The following GATA4 variants were observed in gnomAD, a reference collection of about 807,000 sequenced individuals.
The protein encoded by GATA4 is transcription factor GATA-4.
Under a neutral mutation model 37.9 loss-of-function variants are expected in GATA4, and 7 were observed. That is an observed-to-expected ratio of 0.18 (90% CI 0.11 to 0.35). The LOEUF (loss-of-function observed/expected upper bound fraction) is 0.35. GATA4 is among the 10% of genes least tolerant of loss of function. GATA4 has a pLI of 1.00. For synonymous variants in GATA4, 372 were observed against 292.6 expected, an observed-to-expected ratio of 1.27 and a Z score of -2.77; for missense variants, 647 against 653.0, an observed-to-expected ratio of 0.99 and a Z score of 0.10.
intron 2 of GATA4, among the ~76,000 whole-genome samples, chr8:11,740,907 T>C (rs963204356): frequency 6.6e-6 from 1 of 152,122 alleles, no homozygotes; most frequent in East Asian, 1.9e-4. Context: ...CTACTTTTTA[T>C]ATTTTTAGTA....
chr8:11,731,946 C>G (rs1223566940), intron 2 of GATA4, among the ~76,000 whole-genome samples: 1 of 152,190 alleles, frequency 6.6e-6, no homozygotes, highest in Non-Finnish European at 1.5e-5. Context: ...TTCAGTGTTT[C>G]TCTTTGCCCA....
rs112495505 is a variant in GATA4 at position 11,732,104 on chromosome 8, A to G, written c.617-16812A>G. The stretch of plus-strand genomic sequence containing the variant: ...CAAATCTATCATATTTATAATCTGC[A>G]TTAAAATTTTAAGTCACATTCATAA... On this transcript the variant is annotated intron_variant, in intron 2 of 6. Transcript: ENST00000532059. 2.7e-3 allele frequency among the ~76,000 whole-genome samples: 409 copies of G among 152,386 alleles called. 1 individual carries two copies. Among genetic ancestry groups the G allele is most frequent in the African/African-American group, 9.1e-3 (379 of 41,600 alleles).
At chr8:11,699,858 A>C (rs1293397652), upstream of GATA4, among the ~76,000 whole-genome samples, 1 of 152,178 alleles carries the variant, frequency 6.6e-6, no homozygotes, top group Non-Finnish European at 1.5e-5. Context: ...CATTGATTTT[A>C]TTTTTTAAAT....
intron 4 of GATA4, 40 bp from the exon 5 acceptor site, chr8:11,755,006 A>C: frequency 1.3e-6 from 2 of 1,506,916 alleles, no homozygotes; most frequent in South Asian, 1.1e-5. Context: ...CAGACTACGC[A>C]GAAATGGAAA....
chr8:11,712,690 T>TA (rs3030047), intron 2 of GATA4, among the ~76,000 whole-genome samples: 1,859 of 92,920 alleles, frequency 0.02, 25 homozygotes, highest in East Asian at 0.028. Context: ...ACCACATCTC[T>TA]AAAAAAAAAA....
intron 2 of GATA4, among the ~76,000 whole-genome samples, chr8:11,712,702 A>C (rs1015975701): frequency 2.0e-5 from 3 of 151,178 alleles, no homozygotes; most frequent in Non-Finnish European, 4.4e-5. Flanking sequence ...AAAAAAAAAA[A>C]AAAAAAAAAT....
Position 11,697,530 on chromosome 8 carries a change from G to A in GATA4, c.-728-2978G>A, listed in dbSNP as rs62489316. On this transcript the variant is annotated intron_variant, in intron 1 of 2. Transcript: ENST00000526974. ...CTGCTGCAGTTGGGGAGGGAGAGGTGGTCGTGGAGGCCACTTTCCCCTCCA... is the reference window on the plus strand; with the variant it reads ...CTGCTGCAGTTGGGGAGGGAGAGGTAGTCGTGGAGGCCACTTTCCCCTCCA... The A allele has an allele frequency of 3.9e-3, 3,819 of 985,058 alleles. 11 individuals carry two copies. The highest frequency in any genetic ancestry group is 0.015 in the Middle Eastern group (29 of 1,914). 61.0% of individuals were successfully genotyped at this position (985,058 alleles called of 1,614,324 possible).
rs957304143 is a variant in GATA4 at position 11,707,346 on chromosome 8, C to A, written c.-457-510C>A. Among the ~76,000 whole-genome samples the A allele has an allele frequency of 1.1e-4, 17 of 150,196 alleles. No homozygotes were observed. The highest frequency in any genetic ancestry group is 4.2e-4 in the African/African-American group (17 of 40,726). ...TTTTTTTTTTTAATTACAAACAAAA[C>A]TTTGTTAGGTTGTTGTTTTGTGTAA... On this transcript the variant is annotated intron_variant, in intron 1 of 6. Coordinates refer to ENST00000532059, the MANE Select transcript of GATA4 (RefSeq NM_001308093.3). The surrounding 1 kb of genome is among the most constrained non-coding windows in gnomAD (Gnocchi z 4.7).
chr8:11,756,238 C>T (rs767457487), intron 5 of GATA4, among the ~76,000 whole-genome samples: 2 of 152,178 alleles, frequency 1.3e-5, no homozygotes, highest in Non-Finnish European at 2.9e-5. Context: ...CTACCAAGAA[C>T]ATGATCAAAG....
chr8:11,697,455 C>A (rs557525291), intron 1 of GATA4: 2 of 670,566 alleles, frequency 3.0e-6, no homozygotes, highest in Admixed American at 1.3e-4. Flanking sequence ...ATAGGAACCT[C>A]CCAGCTGGGG....
At chr8:11,756,002 AAATT>A (rs536283032) in intron 5 of GATA4, among the ~76,000 whole-genome samples, 16 of 150,860 alleles carry the variant, frequency 1.1e-4, no homozygotes, top group South Asian at 6.2e-4. Flanking sequence ...TATTAAATTT[AAATT>A]AGATTTATTT....
At chr8:11,680,406 C>G in intron 1 of GATA4, 2 of 900,070 alleles carry the variant, frequency 2.2e-6, no homozygotes, top group Non-Finnish European at 2.7e-6. Flanking sequence ...TTCCCGCCCT[C>G]GGCCCACGAG....
chr8:11,686,590 C>T (rs1048480919), intron 1 of GATA4, among the ~76,000 whole-genome samples: 3 of 152,230 alleles, frequency 2.0e-5, no homozygotes, highest in African/African-American at 7.2e-5. Flanking sequence ...CCATAGCCAT[C>T]TTCATGTAAT....
chr8:11,726,809 G>GTGCC (rs1239448929), intron 2 of GATA4, among the ~76,000 whole-genome samples: 2 of 152,138 alleles, frequency 1.3e-5, no homozygotes, highest in African/African-American at 4.8e-5. Flanking sequence ...GGCCCTGATG[G>GTGCC]TGCCCTCCTG....
At chr8:11,679,167 T>A (rs1798872156) in intron 1 of GATA4, among the ~76,000 whole-genome samples, 1 of 79,740 alleles carries the variant, frequency 1.3e-5, no homozygotes. Context: ...GAGGCAATTA[T>A]CCGAATAATT....
chr8:11,734,650 C>A lies in GATA4; in HGVS notation c.617-14266C>A, dbSNP rs546595710. The stretch of plus-strand genomic sequence containing the variant: ...TACAGGCATGCACCACCATGCTCGG[C>A]TAATTTTTGTATCTTTAGTAGAGAT... On this transcript the variant is annotated intron_variant, in intron 2 of 6. Coordinates refer to ENST00000532059, the MANE Select transcript of GATA4 (RefSeq NM_001308093.3). 2.6e-5 allele frequency among the ~76,000 whole-genome samples: 4 copies of A among 152,286 alleles called. No homozygotes were observed. The East Asian group carries it at 7.7e-4, about 29-fold the overall frequency.
chr8:11,708,707 A>G lies in GATA4; in HGVS notation c.395A>G (p.Tyr132Cys). 7.9e-7 allele frequency: 1 copy of G among 1,273,260 alleles called. No individual in the cohort carries two copies. The highest frequency in any genetic ancestry group is 9.8e-7 in the Non-Finnish European group (1 of 1,016,682). The allele number at this position is 1,273,260 out of a possible 1,614,324, so 78.9% of individuals were successfully genotyped here. A position where few individuals can be genotyped will look rare whatever the true frequency, so the allele number is the denominator to read the frequency against. ...GCCGCGGCCCGGGAAGCTGCGGCCTACAGCAGTGGCGGCGGAGCGGCGGGT... is the reference window on the plus strand; with the variant it reads ...GCCGCGGCCCGGGAAGCTGCGGCCTGCAGCAGTGGCGGCGGAGCGGCGGGT... ...AAAAAREAAA[Y>C]SSGGGAAGAG... Residue 132 changes from tyrosine to cysteine, a missense_variant, in exon 2 of 7, where the codon TAC (tyrosine) becomes TGC (cysteine). Around this residue, in one of 5 missense-constraint regions of GATA4, gnomAD observed 379 missense variants for 334.5 expected, o/e 1.13. Coordinates refer to ENST00000532059, the MANE Select transcript of GATA4 (RefSeq NM_001308093.3). This position sits in a 1 kb window ranked among gnomAD's most constrained non-coding sequence, Gnocchi z 6.7.
At chr8:11,740,980 C>T (rs189117302) in intron 2 of GATA4, among the ~76,000 whole-genome samples, 28 of 152,180 alleles carry the variant, frequency 1.8e-4, no homozygotes, top group African/African-American at 6.5e-4. Context: ...GTGTTCCATC[C>T]GCTTCGGCCT....
At chr8:11,711,740 C>A (rs977283245) in intron 2 of GATA4, among the ~76,000 whole-genome samples, 78 of 126,016 alleles carry the variant, frequency 6.2e-4, no homozygotes, top group Non-Finnish European at 1.1e-3. Flanking sequence ...AGAGTGAGAC[C>A]CTCTCTCAAA....
Sources: allele counts gnomAD v4.1 joint callset (sites outside exome capture counted in the v4.1 genomes callset), GRCh38; gene constraint gnomAD v4.1.1; regional missense constraint gnomAD v4.1.1; non-coding constraint Gnocchi (gnomAD v3.1); transcripts MANE v1.5; gene names NCBI Gene and HGNC (gene_info 2026-07-23, HGNC 2026-07-21).